NRXN1: variants seen among roughly 807,000 people sequenced by gnomAD.
The protein encoded by NRXN1 is neurexin 1.
Under a neutral mutation model 150.9 loss-of-function variants are expected in NRXN1, and 39 were observed. That is an observed-to-expected ratio of 0.26 (90% CI 0.20 to 0.34). NRXN1 has a LOEUF of 0.34. Among genes scored for constraint, NRXN1 ranks in the 10% least tolerant of loss-of-function variants. The probability of loss-of-function intolerance (pLI) is 1.00; values close to 1 mark genes in which losing one functional copy is unlikely to be tolerated. For missense variants in NRXN1, 1,815 were observed against 1,949.9 expected, an observed-to-expected ratio of 0.93 and a Z score of 1.30; for synonymous variants, 924 against 757.0, an observed-to-expected ratio of 1.22 and a Z score of -3.62.
At position 49,919,984 on chromosome 2, in the gene NRXN1, A is replaced by AT. The variant is rs1232828355; in HGVS notation, c.*1959dup. ...GAAAGATATTCTTCTCTTCTACAAA[A>AT]TTTTTTATCGTTCTTTTAGAAGGTA... On this transcript the variant is annotated 3_prime_UTR_variant, in exon 23 of 23. Transcript: ENST00000401669. 2.0e-5 allele frequency: 3 copies of AT among 152,104 alleles called. No homozygotes were observed. The highest frequency in any genetic ancestry group is 4.4e-5 in the Non-Finnish European group (3 of 67,986). The allele number at this position is 152,104 out of a possible 1,614,324, so 9.4% of individuals were successfully genotyped here.
At chr2:50,285,451 G>A (rs892480172) in intron 17 of NRXN1, among the ~76,000 whole-genome samples, 2 of 152,126 alleles carry the variant, frequency 1.3e-5, no homozygotes, top group African/African-American at 2.4e-5. Flanking sequence ...GACTGGGACA[G>A]TTTAGACACA....
intron 18 of NRXN1, among the ~76,000 whole-genome samples, chr2:50,226,689 G>A (rs527419211): frequency 6.6e-6 from 1 of 151,960 alleles, no homozygotes; most frequent in Non-Finnish European, 1.5e-5. Flanking sequence ...GTAGACCACT[G>A]GTTCTCTATC....
intron 5 of NRXN1, among the ~76,000 whole-genome samples, chr2:50,906,769 A>G (rs1199804021): frequency 6.6e-6 from 1 of 152,044 alleles, no homozygotes; most frequent in Non-Finnish European, 1.5e-5. Flanking sequence ...GTGTCTACCT[A>G]TGCTAGACAA....
rs183887852 is a variant in NRXN1, at chr2:50,577,352, T to C, written c.1321-24327A>G. ...GTAATAGATAAATGTTAGCTGCATA[T>C]ACACTAGTTGTCTAAAAAAAAAAAA... On this transcript the variant is annotated intron_variant, in intron 8 of 22. Transcript: ENST00000401669. 1.5e-3 allele frequency among the ~76,000 whole-genome samples: 222 copies of C among 152,080 alleles called. 1 individual carries two copies. The highest frequency in any genetic ancestry group is 5.3e-3 in the African/African-American group (219 of 41,508).
chr2:50,466,331 T>C (rs1229217080), intron 16 of NRXN1: 4 of 380,408 alleles, frequency 1.1e-5, no homozygotes, highest in African/African-American at 2.2e-5. Context: ...TGCACAACGT[T>C]CAAGAAAGGA....
At chr2:49,947,480 C>T (rs112924986) in intron 21 of NRXN1, among the ~76,000 whole-genome samples, 62 of 146,846 alleles carry the variant, frequency 4.2e-4, no homozygotes, top group African/African-American at 1.5e-3. Flanking sequence ...CTCTTCCTCT[C>T]TTCTCCTTCT....
At chr2:50,405,565 T>A (rs898481644) in intron 17 of NRXN1, among the ~76,000 whole-genome samples, 10 of 152,256 alleles carry the variant, frequency 6.6e-5, no homozygotes, top group Admixed American at 5.9e-4. Flanking sequence ...AGCACCCAAT[T>A]TGGGGACTGA....
chr2:50,698,012 T>C (rs1693181230), intron 5 of NRXN1, among the ~76,000 whole-genome samples: 1 of 152,218 alleles, frequency 6.6e-6, no homozygotes. Flanking sequence ...CTACAGTTCA[T>C]CCTAATACCA....
At chr2:50,833,348 G>A (rs986303199) in intron 5 of NRXN1, among the ~76,000 whole-genome samples, 15 of 152,242 alleles carry the variant, frequency 9.9e-5, no homozygotes, top group Non-Finnish European at 1.5e-4. Context: ...CAAGAAAAAT[G>A]AAAGCATGTA....
chr2:50,053,675 G>A (rs1251504556), intron 20 of NRXN1, 85 bp from the exon 21 acceptor site: 11 of 1,344,406 alleles, frequency 8.2e-6, no homozygotes, highest in Non-Finnish European at 1.2e-5. Context: ...TCTTTTATGG[G>A]GTGAATAATG....
chr2:50,487,873 T>A (rs1427043797), intron 15 of NRXN1, among the ~76,000 whole-genome samples: 2 of 152,172 alleles, frequency 1.3e-5, no homozygotes, highest in East Asian at 3.9e-4. Context: ...AAGGTAAAAA[T>A]CTAAGGTCCT....
At chr2:50,285,524 C>T (rs2072032397) in intron 17 of NRXN1, among the ~76,000 whole-genome samples, 1 of 152,086 alleles carries the variant, frequency 6.6e-6, no homozygotes, top group Non-Finnish European at 1.5e-5. Context: ...CAGAGCAAAC[C>T]CCTGCAAATA....
At chr2:50,443,746 T>G (rs1018647062) in intron 17 of NRXN1, among the ~76,000 whole-genome samples, 1 of 152,154 alleles carries the variant, frequency 6.6e-6, no homozygotes, top group Non-Finnish European at 1.5e-5. Flanking sequence ...ACTGCAGCTA[T>G]TCACAGTCAA....
chr2:50,899,436 C>G (rs1438073461), intron 5 of NRXN1, among the ~76,000 whole-genome samples: 1 of 151,996 alleles, frequency 6.6e-6, no homozygotes, highest in African/African-American at 2.4e-5. Flanking sequence ...TTAGGGACAC[C>G]CTCTGCCACA....
intron 17 of NRXN1, among the ~76,000 whole-genome samples, chr2:50,243,692 T>C (rs987976125): frequency 6.6e-6 from 1 of 151,794 alleles, no homozygotes; most frequent in African/African-American, 2.4e-5. Flanking sequence ...GAGGACTCAT[T>C]AGGTGTTAAC....
chr2:50,355,068 T>C (rs920871635), intron 17 of NRXN1, among the ~76,000 whole-genome samples: 1 of 152,116 alleles, frequency 6.6e-6, no homozygotes, highest in Admixed American at 6.6e-5. Context: ...ATTTCCTGAA[T>C]GTCCAAGGAC....
At chr2:50,635,809 T>A (rs1454740223) in intron 5 of NRXN1, among the ~76,000 whole-genome samples, 1 of 152,176 alleles carries the variant, frequency 6.6e-6, no homozygotes, top group East Asian at 1.9e-4. Flanking sequence ...AGGGTCAGTC[T>A]TTCGGTCCTG....
At chr2:50,543,526 G>A (rs193178043) in intron 9 of NRXN1, among the ~76,000 whole-genome samples, 4 of 152,070 alleles carry the variant, frequency 2.6e-5, no homozygotes, top group African/African-American at 9.7e-5. Context: ...CACGACACAT[G>A]TAAGAGGTAA....
chr2:50,285,517 A>T (rs960712237), intron 17 of NRXN1, among the ~76,000 whole-genome samples: 12 of 152,146 alleles, frequency 7.9e-5, no homozygotes, highest in African/African-American at 2.9e-4. Flanking sequence ...GAATACCCAG[A>T]GCAAACCCCT....
Sources: allele counts gnomAD v4.1 joint callset (sites outside exome capture counted in the v4.1 genomes callset), GRCh38; gene constraint gnomAD v4.1.1; transcripts MANE v1.5; gene names NCBI Gene and HGNC (gene_info 2026-07-23, HGNC 2026-07-21).